ABTB2: variants seen among roughly 807,000 people sequenced by gnomAD.
ABTB2 encodes ankyrin repeat and BTB/POZ domain-containing protein 2.
Under a neutral mutation model 104.1 loss-of-function variants are expected in ABTB2, and 56 were observed. That is an observed-to-expected ratio of 0.54 (90% CI 0.43 to 0.67). The LOEUF (loss-of-function observed/expected upper bound fraction) is 0.67, where lower values mean the gene tolerates loss of function less well. Among genes scored for constraint, ABTB2 ranks in the 30% least tolerant of loss-of-function variants. The probability of loss-of-function intolerance (pLI) is 0.00; values close to 1 mark genes in which losing one functional copy is unlikely to be tolerated. For missense variants in ABTB2, 1,279 were observed against 1,407.7 expected (o/e 0.91, Z 1.46); for synonymous variants, 606 against 608.2 (o/e 1.00, Z 0.05).
At chr11:34,271,121 G>A (rs916626320) in intron 1 of ABTB2, among the ~76,000 whole-genome samples, 5 of 152,130 alleles carry the variant, frequency 3.3e-5, no homozygotes, top group Non-Finnish European at 5.9e-5. Flanking sequence ...CAGGAAGCTC[G>A]GCTTTTAGAA....
At chr11:34,332,173 G>C (rs1203700465) in intron 1 of ABTB2, among the ~76,000 whole-genome samples, 7 of 152,198 alleles carry the variant, frequency 4.6e-5, no homozygotes, top group Admixed American at 2.0e-4. Context: ...CCTCTATTCT[G>C]ATGCAGCACT....
At position 34,197,305 on chromosome 11, in the gene ABTB2, AG is replaced by A. The variant is rs1171230137; in HGVS notation, c.1244+19del. The A allele has an allele frequency of 2.5e-6, 4 of 1,613,228 alleles. No homozygotes were observed. The South Asian group carries it at 3.3e-5, about 13-fold the overall frequency. On this transcript the variant is annotated intron_variant, in intron 3 of 16. Transcript: ENST00000435224. The stretch of plus-strand genomic sequence containing the variant: ...TGGGAGCACGTCCCACCAGGTGCTC[AG>A]CCCAAGGAAGATCCCTACCGTTCAT...
intron 3 of ABTB2, among the ~76,000 whole-genome samples, chr11:34,184,066 G>GTT (rs34633087): frequency 1.4e-4 from 20 of 143,562 alleles, no homozygotes; most frequent in Non-Finnish European, 2.0e-4. Context: ...TTTAAAAAGT[G>GTT]TTTTTTTTTT....
At chr11:34,207,192 C>A (rs967166809) in intron 1 of ABTB2, among the ~76,000 whole-genome samples, 8 of 152,228 alleles carry the variant, frequency 5.3e-5, no homozygotes, top group African/African-American at 1.9e-4. Flanking sequence ...GCAGGCCTGA[C>A]TCCTCCTCCT....
Position 34,252,250 on chromosome 11 carries a change from G to A in ABTB2, c.884-47560C>T, listed in dbSNP as rs1399721404. ...GGAAAGCCGTGGCAGGAGTGACAGC[G>A]AGGAGGCCAGATGCACGAGCCTCTT... On this transcript the variant is annotated intron_variant, in intron 1 of 16. Coordinates refer to ENST00000435224, the MANE Select transcript of ABTB2 (RefSeq NM_145804.3). This position sits in a 1 kb window ranked among gnomAD's most constrained non-coding sequence, Gnocchi z 5.5. 6.6e-6 allele frequency among the ~76,000 whole-genome samples: 1 copy of A among 152,178 alleles called. No homozygotes were observed. Among genetic ancestry groups the A allele is most frequent in the Non-Finnish European group, 1.5e-5 (1 of 68,016 alleles).
chr11:34,299,359 T>A (rs12278868), intron 1 of ABTB2, among the ~76,000 whole-genome samples: 10,495 of 152,132 alleles, frequency 0.069, 1,191 homozygotes, highest in African/African-American at 0.24. Flanking sequence ...TGGTTTTTTT[T>A]AAAAAAATAA....
intron 1 of ABTB2, among the ~76,000 whole-genome samples, chr11:34,299,805 C>T (rs563138275): frequency 1.1e-4 from 17 of 152,356 alleles, no homozygotes; most frequent in Middle Eastern, 3.4e-3. Context: ...CCAGAAGCAG[C>T]GGGTGAGCCG....
chr11:34,355,913 G>A (rs1216763857), intron 1 of ABTB2, among the ~76,000 whole-genome samples: 1 of 152,142 alleles, frequency 6.6e-6, no homozygotes, highest in East Asian at 1.9e-4. Flanking sequence ...GACCCCATGC[G>A]GTTACCTATC....
intron 1 of ABTB2, among the ~76,000 whole-genome samples, chr11:34,258,946 G>C (rs1212365415): frequency 6.6e-6 from 1 of 150,790 alleles, no homozygotes; most frequent in African/African-American, 2.4e-5. Flanking sequence ...TATGCGTGTG[G>C]TAGTGGTGGG....
intron 1 of ABTB2, among the ~76,000 whole-genome samples, chr11:34,271,833 T>C (rs923504593): frequency 6.6e-6 from 1 of 152,226 alleles, no homozygotes; most frequent in Admixed American, 6.5e-5. Context: ...ATATGCTCCT[T>C]GATGGTGGAA....
intron 1 of ABTB2, among the ~76,000 whole-genome samples, chr11:34,309,521 A>G (rs1321383653): frequency 6.6e-6 from 1 of 152,228 alleles, no homozygotes. Flanking sequence ...GAAACTCATG[A>G]CGGACAGAGT....
intron 1 of ABTB2, among the ~76,000 whole-genome samples, chr11:34,263,653 AAG>A (rs996763245): frequency 1.3e-4 from 20 of 152,264 alleles, no homozygotes; most frequent in African/African-American, 4.8e-4. Context: ...GCAGTGGGTT[AAG>A]AGTTTCCATT....
At chr11:34,169,452 A>G (rs892266752) in intron 5 of ABTB2, among the ~76,000 whole-genome samples, 7 of 152,126 alleles carry the variant, frequency 4.6e-5, no homozygotes, top group Non-Finnish European at 7.4e-5. Flanking sequence ...AGGTGCTACC[A>G]TCCCCCATCT....
Position 34,357,639 on chromosome 11 carries a change from C to T in ABTB2, c.-56G>A. ...CGAGGGGCACTCACAACTCCATGCC[C>T]TCTTTCCCAAGTGGGCAGAAACAAG... On this transcript the variant is annotated 5_prime_UTR_variant, in exon 1 of 17. Coordinates refer to ENST00000435224, the MANE Select transcript of ABTB2 (RefSeq NM_145804.3). The T allele has an allele frequency of 6.9e-7, 1 of 1,439,888 alleles. No individual in the cohort carries two copies. The highest frequency in any genetic ancestry group is 1.4e-5 in the African/African-American group (1 of 69,610). The allele number at this position is 1,439,888 out of a possible 1,614,324, so 89.2% of individuals were successfully genotyped here.
At chr11:34,308,882 A>AAAAAAAAAAAG (rs1252511057) in intron 1 of ABTB2, among the ~76,000 whole-genome samples, 1 of 150,826 alleles carries the variant, frequency 6.6e-6, no homozygotes, top group African/African-American at 2.4e-5. Context: ...AAAAAAAAAA[A>AAAAAAAAAAAG]AAAAAGAAAA....
rs186812996 is a variant in ABTB2, at chr11:34,151,288, C to A, written c.*1099G>T. ...CAGACAGACTGTGCCTGATGCTGCC[C>A]CAGTGTCTGGTCCATAAATATGACA... On this transcript the variant is annotated 3_prime_UTR_variant, in exon 17 of 17. Coordinates refer to ENST00000435224, the MANE Select transcript of ABTB2 (RefSeq NM_145804.3). 1 of 152,252 alleles carries A rather than the reference C, an allele frequency of 6.6e-6. No homozygotes were observed. Among genetic ancestry groups the A allele is most frequent in the African/African-American group, 2.4e-5 (1 of 41,456 alleles). The allele number at this position is 152,252 out of a possible 1,614,324, so 9.4% of individuals were successfully genotyped here.
intron 1 of ABTB2, among the ~76,000 whole-genome samples, chr11:34,243,234 T>C (rs1046929937): frequency 1.3e-5 from 2 of 152,152 alleles, no homozygotes; most frequent in African/African-American, 4.8e-5. Flanking sequence ...AAATCTTGCT[T>C]CTGCACAAGG....
At chr11:34,235,414 A>G (rs2611096) in intron 1 of ABTB2, among the ~76,000 whole-genome samples, 9,099 of 152,276 alleles carry the variant, frequency 0.06, 954 homozygotes, top group African/African-American at 0.21. Context: ...GGTTATGAAC[A>G]TATCGCATAA....
intron 5 of ABTB2, among the ~76,000 whole-genome samples, chr11:34,168,399 T>A (rs1293847752): frequency 6.6e-6 from 1 of 152,214 alleles, no homozygotes; most frequent in Admixed American, 6.5e-5. Flanking sequence ...ATAAAGTGCT[T>A]AGTTCAGAAT....
Sources: allele counts gnomAD v4.1 joint callset (sites outside exome capture counted in the v4.1 genomes callset), GRCh38; gene constraint gnomAD v4.1.1; non-coding constraint Gnocchi (gnomAD v3.1); transcripts MANE v1.5; gene names NCBI Gene and HGNC (gene_info 2026-07-23, HGNC 2026-07-21).